The following AUTS2 variants were observed in gnomAD, a reference collection of about 807,000 sequenced individuals.
The protein encoded by AUTS2 is autism susceptibility gene 2 protein.
A neutral mutation model predicts 112.4 loss-of-function variants in AUTS2; 17 were observed. The observed-to-expected ratio is 0.15, with a 90% CI of 0.10 to 0.23. The LOEUF (loss-of-function observed/expected upper bound fraction) is 0.23. Ranked by LOEUF, AUTS2 falls within the 10% of genes least tolerant of loss-of-function variation. The pLI is 1.00. For synonymous variants in AUTS2, 751 were observed against 702.7 expected, an observed-to-expected ratio of 1.07 and a Z score of -1.09; for missense variants, 1,510 against 1,701.6, an observed-to-expected ratio of 0.89 and a Z score of 1.98.
rs534251563 is a variant in AUTS2, at chr7:70,679,470, A to T, written c.691-19099A>T. Among the ~76,000 whole-genome samples, 3 of 152,262 alleles carry T rather than the reference A, an allele frequency of 2.0e-5. No individual in the cohort carries two copies. In the East Asian group the frequency reaches 5.8e-4, roughly 29 times the overall value. ...CTTAATGTGACCCAAACTTTCCATT[A>T]CCAAATTCTGGGGTTTTAAATCCTG... is the stretch of plus-strand genomic sequence containing the variant. On this transcript the variant is annotated intron_variant, in intron 5 of 18. Coordinates refer to ENST00000342771, the MANE Select transcript of AUTS2 (RefSeq NM_015570.4).
At chr7:69,866,650 A>G (rs575107910) in intron 1 of AUTS2, among the ~76,000 whole-genome samples, 1 of 152,320 alleles carries the variant, frequency 6.6e-6, no homozygotes, top group East Asian at 1.9e-4. Flanking sequence ...AAGTTCTGGA[A>G]TACAATTTTT....
chr7:69,911,697 G>A (rs1192569959), intron 2 of AUTS2, among the ~76,000 whole-genome samples: 2 of 152,154 alleles, frequency 1.3e-5, no homozygotes, highest in Non-Finnish European at 2.9e-5. Context: ...GCAGCTGGTA[G>A]TCCGATGTCT....
chr7:70,422,804 T>G lies in AUTS2; in HGVS notation c.661-12948T>G, dbSNP rs150396101. 7.5e-4 allele frequency among the ~76,000 whole-genome samples: 114 copies of G among 152,224 alleles called. 1 individual carries two copies. The highest frequency in any genetic ancestry group is 2.6e-3 in the African/African-American group (109 of 41,522). On this transcript the variant is annotated intron_variant, in intron 4 of 18. Transcript: ENST00000342771. ...AAAAAAAAAATTATACCCATCTTTTTCATAGACACATTCAGACACCTACCA... is the reference window on the plus strand; with the variant it reads ...AAAAAAAAAATTATACCCATCTTTTGCATAGACACATTCAGACACCTACCA...
chr7:70,699,536 A>T (rs549438758), intron 6 of AUTS2: 8 of 152,304 alleles, frequency 5.3e-5, no homozygotes, highest in Non-Finnish European at 1.2e-4. Context: ...GGTTAGTAAG[A>T]CATTTCCAAG....
At chr7:70,702,942 T>C (rs1259599071) in intron 6 of AUTS2, among the ~76,000 whole-genome samples, 1 of 152,190 alleles carries the variant, frequency 6.6e-6, no homozygotes, top group Non-Finnish European at 1.5e-5. Flanking sequence ...GTGAAGCCTT[T>C]GGATATTTTT....
chr7:69,718,240 A>G (rs1039534671), intron 1 of AUTS2, among the ~76,000 whole-genome samples: 3 of 152,226 alleles, frequency 2.0e-5, no homozygotes, highest in Admixed American at 6.5e-5. Context: ...ATTGTGGTGG[A>G]TATGTTAGTT....
intron 4 of AUTS2, among the ~76,000 whole-genome samples, chr7:70,163,341 TGGTGGG>T (rs1322843884): frequency 4.0e-3 from 11 of 2,772 alleles, no homozygotes; most frequent in African/African-American, 8.8e-3. Context: ...TAGGTTGTGG[TGGTGGG>T]GGGGGGGGGG....
intron 2 of AUTS2, among the ~76,000 whole-genome samples, chr7:70,081,393 A>G (rs1004636371): frequency 6.6e-6 from 1 of 150,518 alleles, no homozygotes; most frequent in African/African-American, 2.4e-5. Context: ...TCTATAAAAA[A>G]AAAAAAAAAA....
intron 1 of AUTS2, among the ~76,000 whole-genome samples, chr7:69,863,275 A>T (rs1793073755): frequency 6.6e-6 from 1 of 152,254 alleles, no homozygotes; most frequent in South Asian, 2.1e-4. Context: ...ATATAGTATA[A>T]CAACCATTTA....
intron 4 of AUTS2, among the ~76,000 whole-genome samples, chr7:70,322,965 C>T (rs1211417440): frequency 6.6e-6 from 1 of 152,236 alleles, no homozygotes; most frequent in African/African-American, 2.4e-5. Context: ...TGATTCCAAG[C>T]TCAGGCCCCA....
intron 4 of AUTS2, among the ~76,000 whole-genome samples, chr7:70,136,514 G>A (rs1406589422): frequency 6.6e-6 from 1 of 152,150 alleles, no homozygotes; most frequent in Non-Finnish European, 1.5e-5. Context: ...CCACACTGGT[G>A]AGTTTCATAC....
chr7:70,430,520 T>C (rs757990602), intron 4 of AUTS2, among the ~76,000 whole-genome samples: 5 of 152,068 alleles, frequency 3.3e-5, no homozygotes, highest in Non-Finnish European at 7.4e-5. Flanking sequence ...AGCTGGCAAA[T>C]GTGGGCATAG....
chr7:69,939,077 A>G (rs1796525980), intron 2 of AUTS2, among the ~76,000 whole-genome samples: 1 of 152,216 alleles, frequency 6.6e-6, no homozygotes, highest in South Asian at 2.1e-4. Flanking sequence ...ACAGCAAGTG[A>G]AACTTAAATA....
chr7:70,700,408 A>G (rs1809387604), intron 6 of AUTS2, among the ~76,000 whole-genome samples: 1 of 152,198 alleles, frequency 6.6e-6, no homozygotes, highest in Non-Finnish European at 1.5e-5. Context: ...AGTTGATGGC[A>G]GATTATTCCT....
chr7:70,319,399 A>T (rs898692919), intron 4 of AUTS2, among the ~76,000 whole-genome samples: 5 of 152,202 alleles, frequency 3.3e-5, no homozygotes, highest in African/African-American at 1.2e-4. Context: ...CAGAACAGAA[A>T]TGTTCATAGC....
Position 70,635,112 on chromosome 7 carries a change from A to G in AUTS2, c.691-63457A>G, listed in dbSNP as rs1025977422. On this transcript the variant is annotated intron_variant, in intron 5 of 18. Transcript: ENST00000342771. ...GTGCCTTATGAATTCCACTCTGCGA[A>G]AAAATTAATAGTACCTTGGGGTCTT... Among the ~76,000 whole-genome samples the G allele has an allele frequency of 5.3e-5, 8 of 152,186 alleles. 1 individual carries two copies. The highest frequency in any genetic ancestry group is 5.2e-4 in the Admixed American group (8 of 15,276).
intron 5 of AUTS2, among the ~76,000 whole-genome samples, chr7:70,626,113 A>AT (rs987217104): frequency 3.9e-5 from 6 of 151,926 alleles, no homozygotes; most frequent in Non-Finnish European, 7.4e-5. Flanking sequence ...GGGTTTCACC[A>AT]TATTGGTCAG....
At chr7:69,871,435 A>G (rs1331572220) in intron 1 of AUTS2, among the ~76,000 whole-genome samples, 2 of 152,182 alleles carry the variant, frequency 1.3e-5, no homozygotes, top group Admixed American at 1.3e-4. Flanking sequence ...GAAACCACAG[A>G]TAGTACTGGC....
In AUTS2 at chr7:70,763,059, C is replaced by T. The variant is rs1454617445; in HGVS notation, c.932C>T (p.Thr311Met). The T allele has an allele frequency of 3.1e-6, 5 of 1,614,130 alleles. No homozygotes were observed. The highest frequency in any genetic ancestry group is 4.2e-6 in the Non-Finnish European group (5 of 1,180,032). ...QVAQPIPQPQ[T>M]EPQLRAPSPD... ...GCACAGCCAATACCCCAGCCGCAGA[C>T]GGAGCCCCAACTCCGAGCTCCTTCT... is the stretch of plus-strand genomic sequence containing the variant. The change falls in exon 7 of 19, where the codon ACG becomes ATG. Residue 311 changes from threonine (T) to methionine (M), a missense_variant. Physicochemically the swap from Thr to Met is moderately conservative, Grantham distance 81. Transcript: ENST00000342771.
Sources: allele counts gnomAD v4.1 joint callset (sites outside exome capture counted in the v4.1 genomes callset), GRCh38; gene constraint gnomAD v4.1.1; transcripts MANE v1.5; gene names NCBI Gene and HGNC (gene_info 2026-07-23, HGNC 2026-07-21).